Variants in LRRC28 observed in about 807,000 individuals in gnomAD.
The protein encoded by LRRC28 is leucine-rich repeat-containing protein 28.
In LRRC28, 39 loss-of-function variants were observed where a neutral mutation model predicts 45.7. The ratio of observed to expected loss-of-function variants is 0.85; its 90% CI spans 0.66 to 1.12. The LOEUF (loss-of-function observed/expected upper bound fraction) is 1.12, where lower values mean the gene tolerates loss of function less well. Among genes scored for constraint, LRRC28 ranks in the 50% most tolerant of loss-of-function variants. LRRC28 has a pLI of 0.00. For synonymous variants in LRRC28, 206 were observed against 178.8 expected (o/e 1.15, Z -1.22); for missense variants, 435 against 438.5 (o/e 0.99, Z 0.07).
At chr15:99,258,165 A>G (rs1176742893) in intron 2 of LRRC28, 8 of 1,612,436 alleles carry the variant, frequency 5.0e-6, no homozygotes, top group African/African-American at 2.7e-5. Flanking sequence ...ACTGAAGCAC[A>G]GGAAGATGGC....
rs116788674 is a variant in LRRC28 at position 99,365,373 on chromosome 15, A to G, written c.1031+2108A>G. Among the ~76,000 whole-genome samples the G allele has an allele frequency of 4.5e-3, 686 of 152,380 alleles. 9 individuals are homozygous for G. The highest frequency in any genetic ancestry group is 0.016 in the African/African-American group (660 of 41,600). On this transcript the variant is annotated intron_variant, in intron 9 of 9. Transcript: ENST00000301981. ...TGCCTCTGTTTATAGCAGAGATGAA[A>G]TGCCAAGATACAAACATGGCTTTCT...
chr15:99,285,630 C>T (rs780345458), intron 3 of LRRC28: 88 of 656,876 alleles, frequency 1.3e-4, no homozygotes, highest in Middle Eastern at 1.3e-3. Flanking sequence ...CATCCATGGG[C>T]AGCCACTGTG....
Position 99,282,177 on chromosome 15 carries a change from G to GTTTTTTTTTTTTTTTTTTTTTTTTTTTT in LRRC28, c.210-5066_210-5065insTTTTTTTTTTTTTTTTTTTTTTTTTTTT, listed in dbSNP as rs766338889. ...GGATTCCTTATGCAAATTTTTGGAGGTTTTTTTTTTTTTTGTAGCAGTAGC... is the reference window on the plus strand; with the variant it reads ...GGATTCCTTATGCAAATTTTTGGAGGTTTTTTTTTTTTTTTTTTTTTTTTTTTTTTTTTTTTTTTTTTGTAGCAGTAGC... On this transcript the variant is annotated intron_variant, in intron 3 of 9. Coordinates refer to ENST00000301981, the MANE Select transcript of LRRC28 (RefSeq NM_144598.5). Among the ~76,000 whole-genome samples the GTTTTTTTTTTTTTTTTTTTTTTTTTTTT allele has an allele frequency of 2.3e-3, 221 of 97,986 alleles. 19 individuals are homozygous for GTTTTTTTTTTTTTTTTTTTTTTTTTTTT. Among genetic ancestry groups the GTTTTTTTTTTTTTTTTTTTTTTTTTTTT allele is most frequent in the Non-Finnish European group, 2.6e-3 (140 of 53,606 alleles). The allele number at this position is 97,986 out of a possible 152,430, so 64.3% of individuals were successfully genotyped here.
At chr15:99,361,171 GT>G in intron 7 of LRRC28, 164 bp from the exon 8 acceptor site, 1 of 817,312 alleles carries the variant, frequency 1.2e-6, no homozygotes, top group Non-Finnish European at 1.8e-6. Context: ...GCTGGGCCAG[GT>G]TTTATGAAGG....
chr15:99,308,426 G>A (rs772888368), intron 5 of LRRC28, among the ~76,000 whole-genome samples: 1 of 152,166 alleles, frequency 6.6e-6, no homozygotes, highest in African/African-American at 2.4e-5. Flanking sequence ...CAGCACTTTG[G>A]GAGGCCGAGG....
chr15:99,329,466 C>G (rs1956089379), intron 5 of LRRC28, among the ~76,000 whole-genome samples: 1 of 152,182 alleles, frequency 6.6e-6, no homozygotes, highest in East Asian at 1.9e-4. Flanking sequence ...GCTGAGCATT[C>G]CATCTTCGCA....
At position 99,374,503 on chromosome 15, in the gene LRRC28, C is replaced by T. The variant is rs1957569125; in HGVS notation, c.1031+11238C>T. Among the ~76,000 whole-genome samples, 3 of 152,060 alleles carry T rather than the reference C, an allele frequency of 2.0e-5. 1 individual carries two copies. The highest frequency in any genetic ancestry group is 4.1e-4 in the South Asian group (2 of 4,834). On this transcript the variant is annotated intron_variant, in intron 9 of 9. Coordinates refer to ENST00000301981, the MANE Select transcript of LRRC28 (RefSeq NM_144598.5). ...TTCTAGGAGTATTTTTTGTAGATGCCTTGGGATTTTCTGCATAGAAAATCA... is the reference window on the plus strand; with the variant it reads ...TTCTAGGAGTATTTTTTGTAGATGCTTTGGGATTTTCTGCATAGAAAATCA...
At chr15:99,322,738 G>A (rs547481476) in intron 5 of LRRC28, among the ~76,000 whole-genome samples, 8 of 152,300 alleles carry the variant, frequency 5.3e-5, no homozygotes, top group Admixed American at 3.9e-4. Context: ...CTTTCAGCAA[G>A]GAGATAATGG....
chr15:99,361,616 A>G, intron 8 of LRRC28, 105 bp downstream of exon 8: 1 of 1,129,332 alleles, frequency 8.9e-7, no homozygotes, highest in Non-Finnish European at 1.3e-6. Flanking sequence ...TTATTGTGGT[A>G]AAATACACAT....
chr15:99,360,091 A>C (rs545644704), intron 7 of LRRC28, among the ~76,000 whole-genome samples: 2 of 152,280 alleles, frequency 1.3e-5, no homozygotes, highest in African/African-American at 4.8e-5. Flanking sequence ...CACACCTAAC[A>C]GTCTTCCCCG....
chr15:99,345,036 A>G (rs1956635629), intron 6 of LRRC28, among the ~76,000 whole-genome samples: 1 of 152,232 alleles, frequency 6.6e-6, no homozygotes, highest in Non-Finnish European at 1.5e-5. Context: ...TAACTGCCAT[A>G]TATTGGAGAA....
chr15:99,331,344 CACTT>C (rs1361108468), intron 5 of LRRC28, among the ~76,000 whole-genome samples: 1 of 152,112 alleles, frequency 6.6e-6, no homozygotes, highest in Non-Finnish European at 1.5e-5. Context: ...GGCATCAGCA[CACTT>C]AGAGTGTAAT....
chr15:99,385,999 A>T, intron 9 of LRRC28, 31 bp from the exon 10 acceptor site: 1 of 1,596,644 alleles, frequency 6.3e-7, no homozygotes, highest in Non-Finnish European at 8.6e-7. Context: ...TTGAACTCAC[A>T]GCGTTCTTCT....
intron 9 of LRRC28, among the ~76,000 whole-genome samples, chr15:99,380,484 T>C (rs1295315511): frequency 6.6e-6 from 1 of 151,752 alleles, no homozygotes; most frequent in Non-Finnish European, 1.5e-5. Context: ...GTCTTGACTC[T>C]ATCCAATTTG....
At chr15:99,374,998 C>A (rs991802065) in intron 9 of LRRC28, among the ~76,000 whole-genome samples, 1 of 152,146 alleles carries the variant, frequency 6.6e-6, no homozygotes, top group African/African-American at 2.4e-5. Context: ...GGAAAACACT[C>A]AGTGTTTCAC....
At chr15:99,323,016 T>A (rs1955851881) in intron 5 of LRRC28, among the ~76,000 whole-genome samples, 1 of 152,250 alleles carries the variant, frequency 6.6e-6, no homozygotes, top group Non-Finnish European at 1.5e-5. Context: ...TATCATCCAG[T>A]AATTTCTCAC....
intron 9 of LRRC28, among the ~76,000 whole-genome samples, chr15:99,370,209 A>C (rs1567704753): frequency 1.3e-5 from 2 of 152,242 alleles, no homozygotes; most frequent in African/African-American, 4.8e-5. Flanking sequence ...GTGCTGTTCA[A>C]TTAGCTACTA....
At chr15:99,344,880 G>A (rs1381146108) in intron 6 of LRRC28, among the ~76,000 whole-genome samples, 2 of 152,112 alleles carry the variant, frequency 1.3e-5, no homozygotes, top group African/African-American at 2.4e-5. Context: ...TCTAGAGGCC[G>A]CTGCCTCCAA....
intron 5 of LRRC28, among the ~76,000 whole-genome samples, chr15:99,308,670 C>G (rs1955284192): frequency 6.6e-6 from 1 of 152,134 alleles, no homozygotes; most frequent in Admixed American, 6.5e-5. Flanking sequence ...GGGACCCTGT[C>G]TCCAAAAAAT....
Sources: gnomAD v4.1 joint callset for allele counts (sites outside exome capture counted in the v4.1 genomes callset) on GRCh38, gnomAD v4.1.1 for gene constraint, MANE v1.5 for transcripts, NCBI Gene and HGNC (gene_info 2026-07-23, HGNC 2026-07-21) for gene names.